Variants in SCN8A observed in about 807,000 individuals in gnomAD.
SCN8A encodes sodium voltage-gated channel alpha subunit 8, also known as sodium channel protein type 8 subunit alpha.
Under a neutral mutation model 184.1 loss-of-function variants are expected in SCN8A, and 30 were observed. The observed-to-expected ratio is 0.16, with a 90% confidence interval of 0.12 to 0.22. SCN8A has a LOEUF of 0.22. Ranked by LOEUF, SCN8A falls within the 10% of genes least tolerant of loss-of-function variation. The pLI, the probability that SCN8A is intolerant of heterozygous loss-of-function variation, is 1.00. For missense variants in SCN8A, 1,057 were observed against 2,498.9 expected (o/e 0.42, Z 12.30); for synonymous variants, 852 against 907.0 (o/e 0.94, Z 1.09).
At chr12:51,696,583 A>G (rs971085053) in intron 6 of SCN8A, among the ~76,000 whole-genome samples, 8 of 152,176 alleles carry the variant, frequency 5.3e-5, no homozygotes, top group East Asian at 3.9e-4. Context: ...CTTAATCTCA[A>G]TCAAAGAAAC....
chr12:51,718,133 G>C (rs1007777137), intron 11 of SCN8A, among the ~76,000 whole-genome samples: 1 of 152,118 alleles, frequency 6.6e-6, no homozygotes, highest in Non-Finnish European at 1.5e-5. Context: ...CCAACAAAAA[G>C]ATAAGGGCAG....
chr12:51,750,952 C>A (rs911014866), intron 13 of SCN8A, among the ~76,000 whole-genome samples: 5 of 152,200 alleles, frequency 3.3e-5, no homozygotes, highest in African/African-American at 1.2e-4. Context: ...TAGTCAAACT[C>A]ATTCAGTCCT....
intron 1 of SCN8A, among the ~76,000 whole-genome samples, chr12:51,600,742 G>T (rs914250819): frequency 1.3e-5 from 2 of 152,004 alleles, no homozygotes; most frequent in Middle Eastern, 3.2e-3. Flanking sequence ...TAGATTATCA[G>T]AACATGGACA....
intron 1 of SCN8A, among the ~76,000 whole-genome samples, chr12:51,638,879 C>G (rs193019553): frequency 6.6e-6 from 1 of 152,210 alleles, no homozygotes; most frequent in East Asian, 1.9e-4. Flanking sequence ...AGCAAGAGAA[C>G]TAGAATTAGA....
chr12:51,746,076 A>G (rs1942507755), intron 13 of SCN8A, 41 bp downstream of exon 13: 1 of 1,543,346 alleles, frequency 6.5e-7, no homozygotes, highest in East Asian at 2.3e-5. Context: ...TGAGATATAA[A>G]TATGTAATGT....
At chr12:51,629,582 C>CAA (rs71092711) in intron 1 of SCN8A, among the ~76,000 whole-genome samples, 1,866 of 129,162 alleles carry the variant, frequency 0.014, 22 homozygotes, top group South Asian at 0.026. Context: ...ATCAGTTTTG[C>CAA]AAAAAAAAAA....
At chr12:51,786,294 G>A (rs1160267629) in intron 21 of SCN8A, among the ~76,000 whole-genome samples, 3 of 152,196 alleles carry the variant, frequency 2.0e-5, no homozygotes, top group Non-Finnish European at 2.9e-5. Context: ...AGAAGACCTA[G>A]GTCAGCTTGG....
rs568374797 is a variant in SCN8A at position 51,689,446 on chromosome 12, A to T, written c.706+350A>T. On this transcript the variant is annotated intron_variant, in intron 6 of 26. Transcript: ENST00000627620. ...AATTACAGTAATTTTGACATTTGCCATCATTTCATTGCTTGTGATTTCTAG... is the reference window on the plus strand; with the variant it reads ...AATTACAGTAATTTTGACATTTGCCTTCATTTCATTGCTTGTGATTTCTAG... 17 of 213,642 alleles carry T rather than the reference A, an allele frequency of 8.0e-5. No homozygotes were observed. In the South Asian group the frequency reaches 1.7e-3, roughly 21 times the overall value. The allele number at this position is 213,642 out of a possible 1,614,324, so 13.2% of individuals were successfully genotyped here.
intron 1 of SCN8A, among the ~76,000 whole-genome samples, chr12:51,619,392 A>G (rs915032118): frequency 6.6e-6 from 1 of 152,210 alleles, no homozygotes; most frequent in Non-Finnish European, 1.5e-5. Flanking sequence ...CCTTGTATAC[A>G]TATTTTGCAT....
At chr12:51,772,776 T>C (rs868497909) in intron 19 of SCN8A, among the ~76,000 whole-genome samples, 58 of 149,190 alleles carry the variant, frequency 3.9e-4, no homozygotes, top group Admixed American at 9.9e-4. Flanking sequence ...GTCAGGAGAT[T>C]GAGACCATCC....
At chr12:51,800,478 G>A (rs1353045312) in intron 26 of SCN8A, among the ~76,000 whole-genome samples, 1 of 152,216 alleles carries the variant, frequency 6.6e-6, no homozygotes, top group East Asian at 1.9e-4. Context: ...ATGCAGTATT[G>A]TTTTTGATTT....
intron 14 of SCN8A, among the ~76,000 whole-genome samples, chr12:51,760,393 A>G (rs973422058): frequency 6.6e-6 from 1 of 152,170 alleles, no homozygotes; most frequent in Admixed American, 6.5e-5. Flanking sequence ...GACAATTTCT[A>G]ATGCCTGGGG....
At position 51,632,774 on chromosome 12, in the gene SCN8A, T is replaced by C. The variant is rs570902784; in HGVS notation, c.-54-29990T>C. Reference sequence around the variant, plus strand: ...ATGAGTACACTTGAAGCCTGAGGCATCATGTCAACCCCTCTTCCCAGCGCT... The same window carrying C: ...ATGAGTACACTTGAAGCCTGAGGCACCATGTCAACCCCTCTTCCCAGCGCT... On this transcript the variant is annotated intron_variant, in intron 1 of 26. Coordinates refer to ENST00000627620, the MANE Select transcript of SCN8A (RefSeq NM_001330260.2). Among the ~76,000 whole-genome samples the C allele has an allele frequency of 5.3e-5, 8 of 152,320 alleles. 1 individual carries two copies. The South Asian group carries it at 1.7e-3, about 32-fold the overall frequency.
chr12:51,618,324 G>A (rs74588376), intron 1 of SCN8A, among the ~76,000 whole-genome samples: 3,573 of 151,936 alleles, frequency 0.024, 140 homozygotes, highest in African/African-American at 0.081. Flanking sequence ...CTTCCCTTTC[G>A]TGTCTAGGGG....
intron 1 of SCN8A, among the ~76,000 whole-genome samples, chr12:51,633,479 G>A (rs1009097833): frequency 3.5e-4 from 54 of 152,188 alleles, no homozygotes; most frequent in African/African-American, 1.1e-3. Flanking sequence ...GAGGAGGTTT[G>A]CTTTCACCAG....
intron 1 of SCN8A, among the ~76,000 whole-genome samples, chr12:51,593,322 T>A (rs1007188521): frequency 1.3e-5 from 2 of 152,166 alleles, no homozygotes; most frequent in Admixed American, 1.3e-4. Context: ...GTGTTGTGTT[T>A]CTGAGTAGAG....
At chr12:51,689,221 C>T (rs1013788512) in intron 6 of SCN8A, 125 bp downstream of exon 6, 3 of 772,788 alleles carry the variant, frequency 3.9e-6, no homozygotes, top group Non-Finnish European at 4.2e-6. Flanking sequence ...CATGTTTTTC[C>T]TGGGAGACAT....
In SCN8A at chr12:51,637,251, C is replaced by T. The variant is rs1186451341; in HGVS notation, c.-54-25513C>T. On this transcript the variant is annotated intron_variant, in intron 1 of 26. Transcript: ENST00000627620. ...GGCCTCTCTTTTCCCTGAGACACAA[C>T]AATATTGAAATTAGGCCAACTAATA... is the stretch of plus-strand genomic sequence containing the variant. Among the ~76,000 whole-genome samples, 4 of 152,106 alleles carry T rather than the reference C, an allele frequency of 2.6e-5. No individual in the cohort carries two copies. In the East Asian group the frequency reaches 5.8e-4, roughly 22 times the overall value.
intron 1 of SCN8A, among the ~76,000 whole-genome samples, chr12:51,635,252 T>C (rs1395549200): frequency 2.0e-5 from 3 of 152,236 alleles, no homozygotes; most frequent in African/African-American, 4.8e-5. Context: ...CCCTTCCCTC[T>C]CTACAACACA....
Sources: gnomAD v4.1 joint callset for allele counts (sites outside exome capture counted in the v4.1 genomes callset) on GRCh38, gnomAD v4.1.1 for gene constraint, MANE v1.5 for transcripts, NCBI Gene and HGNC (gene_info 2026-07-23, HGNC 2026-07-21) for gene names.